CNTN6: variants seen among roughly 807,000 people sequenced by gnomAD.
The protein encoded by CNTN6 is contactin 6.
Under a neutral mutation model 122.8 loss-of-function variants are expected in CNTN6, and 137 were observed. The observed-to-expected ratio is 1.12, with a 90% CI of 0.97 to 1.29. The LOEUF is 1.29. Among genes scored for constraint, CNTN6 ranks in the 50% most tolerant of loss-of-function variants. The pLI, the probability that CNTN6 is intolerant of heterozygous loss-of-function variation, is 0.00. For missense variants in CNTN6, 1,634 were observed against 1,223.4 expected, an observed-to-expected ratio of 1.34 and a Z score of -5.01; for synonymous variants, 570 against 426.0, an observed-to-expected ratio of 1.34 and a Z score of -4.16.
chr3:1,102,691 G>A (rs1321442379), intron 1 of CNTN6, among the ~76,000 whole-genome samples: 2 of 150,220 alleles, frequency 1.3e-5, no homozygotes, highest in African/African-American at 2.4e-5. Flanking sequence ...TGGCGCCACC[G>A]CCCTCCAGCC....
Position 1,220,830 on chromosome 3 carries a change from G to A in CNTN6, c.182+17G>A. 6.3e-7 allele frequency: 1 copy of A among 1,581,640 alleles called. No homozygotes were observed. Among genetic ancestry groups the A allele is most frequent in the Non-Finnish European group, 8.6e-7 (1 of 1,167,448 alleles). On this transcript the variant is annotated intron_variant, in intron 3 of 22. Transcript: ENST00000446702. The stretch of plus-strand genomic sequence containing the variant: ...TCATTATAGGTAAAATCCTACCTGT[G>A]GGCACCACACTATTTTGTTCTTCCT...
chr3:1,214,606 G>A (rs992417057), intron 2 of CNTN6, among the ~76,000 whole-genome samples: 4 of 151,876 alleles, frequency 2.6e-5, no homozygotes, highest in Non-Finnish European at 4.4e-5. Flanking sequence ...CACTGTGCCC[G>A]GCTCAGATGC....
chr3:1,335,960 G>A (rs1702992739), intron 11 of CNTN6, among the ~76,000 whole-genome samples: 1 of 152,018 alleles, frequency 6.6e-6, no homozygotes, highest in South Asian at 2.1e-4. Flanking sequence ...TGAGGTGGGA[G>A]AATAACTTGA....
intron 2 of CNTN6, among the ~76,000 whole-genome samples, chr3:1,158,467 C>A (rs548784659): frequency 6.6e-6 from 1 of 152,160 alleles, no homozygotes; most frequent in African/African-American, 2.4e-5. Context: ...CAAATACTTC[C>A]TTCCATTCTG....
chr3:1,223,753 C>A (rs1223717557), intron 3 of CNTN6, among the ~76,000 whole-genome samples: 1 of 152,174 alleles, frequency 6.6e-6, no homozygotes, highest in Non-Finnish European at 1.5e-5. Context: ...AGAGGAGACT[C>A]CTTTCTGTAA....
intron 5 of CNTN6, among the ~76,000 whole-genome samples, chr3:1,289,135 A>C (rs746557252): frequency 2.6e-5 from 4 of 152,108 alleles, no homozygotes; most frequent in Non-Finnish European, 4.4e-5. Context: ...CATTTAATTA[A>C]GAAAAGCCAA....
chr3:1,207,189 C>A (rs13096989), intron 2 of CNTN6, among the ~76,000 whole-genome samples: 57,128 of 151,500 alleles, frequency 0.38, 12,065 homozygotes, highest in African/African-American at 0.6. Flanking sequence ...CAGCACAAGC[C>A]AGCTGTTCTA....
intron 2 of CNTN6, among the ~76,000 whole-genome samples, chr3:1,210,483 G>T (rs917069670): frequency 7.2e-5 from 11 of 152,094 alleles, no homozygotes; most frequent in African/African-American, 1.9e-4. Context: ...TATTAAGTGA[G>T]TTTAGTCTAG....
At position 1,373,916 on chromosome 3, in the gene CNTN6, C is replaced by A. The variant is rs779303559; in HGVS notation, c.1946-8C>A. Reference sequence around the variant, plus strand: ...AACCTAGGTGCCTTAGTGTCTCATTCTTTTTAGTTCCAGAAATTCTCAATG... The same window carrying A: ...AACCTAGGTGCCTTAGTGTCTCATTATTTTTAGTTCCAGAAATTCTCAATG... On this transcript the variant is annotated splice_polypyrimidine_tract_variant and splice_region_variant and intron_variant, in intron 15 of 22. Transcript: ENST00000446702. 9 of 1,605,540 alleles carry A rather than the reference C, an allele frequency of 5.6e-6. No individual in the cohort carries two copies. The highest frequency in any genetic ancestry group is 7.7e-6 in the Non-Finnish European group (9 of 1,175,134).
At chr3:1,288,938 GAC>G (rs1694815128) in intron 5 of CNTN6, among the ~76,000 whole-genome samples, 1 of 152,076 alleles carries the variant, frequency 6.6e-6, no homozygotes, top group Non-Finnish European at 1.5e-5. Flanking sequence ...AATTGTAGAG[GAC>G]GAAGTCATTG....
intron 1 of CNTN6, among the ~76,000 whole-genome samples, chr3:1,113,692 A>G (rs758879533): frequency 2.0e-5 from 3 of 152,168 alleles, no homozygotes; most frequent in Admixed American, 6.6e-5. Context: ...TCAGGTAGTT[A>G]GGATGTGATT....
chr3:1,225,611 C>G (rs2094271102), intron 3 of CNTN6, among the ~76,000 whole-genome samples: 1 of 151,528 alleles, frequency 6.6e-6, no homozygotes, highest in African/African-American at 2.4e-5. Flanking sequence ...AGCAAATTAT[C>G]AAAAACTATA....
chr3:1,257,228 T>C (rs554008084), intron 4 of CNTN6, among the ~76,000 whole-genome samples: 1 of 152,280 alleles, frequency 6.6e-6, no homozygotes, highest in East Asian at 1.9e-4. Flanking sequence ...TTCAAATTCA[T>C]TTCCAGGAAT....
chr3:1,366,763 G>A (rs1194003687), intron 12 of CNTN6, among the ~76,000 whole-genome samples: 2 of 152,218 alleles, frequency 1.3e-5, no homozygotes, highest in South Asian at 2.1e-4. Flanking sequence ...CACAGGATGA[G>A]GACAGGTCTG....
At chr3:1,222,753 T>C (rs1016673833) in intron 3 of CNTN6, among the ~76,000 whole-genome samples, 15 of 152,082 alleles carry the variant, frequency 9.9e-5, no homozygotes, top group Admixed American at 3.3e-4. Flanking sequence ...GTTTGTTATA[T>C]AGATAAACTT....
At chr3:1,098,099 G>A (rs938201169) in intron 1 of CNTN6, among the ~76,000 whole-genome samples, 1 of 151,736 alleles carries the variant, frequency 6.6e-6, no homozygotes, top group African/African-American at 2.4e-5. Flanking sequence ...ATTTGCGGGG[G>A]GGGGAGGGAT....
chr3:1,394,262 C>A, intron 20 of CNTN6: 1 of 228,668 alleles, frequency 4.4e-6, no homozygotes, highest in Non-Finnish European at 8.7e-6. Context: ...ACAAGACAGC[C>A]AGGAATCAGA....
chr3:1,249,263 G>T (rs2094625381), intron 4 of CNTN6, among the ~76,000 whole-genome samples: 1 of 152,150 alleles, frequency 6.6e-6, no homozygotes, highest in Non-Finnish European at 1.5e-5. Flanking sequence ...CACTAAGATG[G>T]TCATTCAACT....
chr3:1,094,593 C>G (rs1177526974), intron 1 of CNTN6, among the ~76,000 whole-genome samples: 2 of 151,870 alleles, frequency 1.3e-5, no homozygotes, highest in African/African-American at 4.8e-5. Context: ...TAGTGAAGGA[C>G]CAGAATTTTT....
Sources: gnomAD v4.1 joint callset for allele counts (sites outside exome capture counted in the v4.1 genomes callset) on GRCh38, gnomAD v4.1.1 for gene constraint, MANE v1.5 for transcripts, NCBI Gene and HGNC (gene_info 2026-07-23, HGNC 2026-07-21) for gene names.